Variants in PDE8B observed in about 807,000 individuals in gnomAD.
PDE8B encodes phosphodiesterase 8B, also known as high affinity cAMP-specific and IBMX-insensitive 3',5'-cyclic phosphodiesterase 8B.
Under a neutral mutation model 101.3 loss-of-function variants are expected in PDE8B, and 26 were observed. The ratio of observed to expected loss-of-function variants is 0.26; its 90% CI spans 0.19 to 0.36. The LOEUF (loss-of-function observed/expected upper bound fraction) is 0.36, where lower values mean the gene tolerates loss of function less well. PDE8B is among the 10% of genes least tolerant of loss of function. PDE8B has a pLI of 1.00. For missense variants in PDE8B, 810 were observed against 1,163.1 expected, an observed-to-expected ratio of 0.70 and a Z score of 4.42; for synonymous variants, 424 against 429.3, an observed-to-expected ratio of 0.99 and a Z score of 0.15.
At chr5:77,173,644 C>T in the PDE8B span, among the ~76,000 whole-genome samples, 2 of 151,734 alleles carry the variant, frequency 1.3e-5, no homozygotes, top group African/African-American at 4.8e-5. Flanking sequence ...TAATGTGAAG[C>T]CTACTAGAGT....
chr5:77,156,357 C>T, the PDE8B span, among the ~76,000 whole-genome samples: 2 of 152,144 alleles, frequency 1.3e-5, no homozygotes, highest in African/African-American at 2.4e-5. Flanking sequence ...GAATGAACCC[C>T]AAGCTCCTTC....
At chr5:77,416,224 A>C (rs2151136419) in intron 17 of PDE8B, among the ~76,000 whole-genome samples, 1 of 152,328 alleles carries the variant, frequency 6.6e-6, no homozygotes, top group South Asian at 2.1e-4. Context: ...AAGGAAAGGC[A>C]TGTTTCATCT....
intron 1 of PDE8B, among the ~76,000 whole-genome samples, chr5:77,218,340 C>G (rs1230455511): frequency 3.3e-5 from 5 of 152,202 alleles, no homozygotes; most frequent in Admixed American, 6.5e-5. Flanking sequence ...CTATGAGCTA[C>G]ACGTTATTAT....
chr5:77,180,415 C>A, the PDE8B span: 1 of 984,580 alleles, frequency 1.0e-6, no homozygotes, highest in Non-Finnish European at 1.2e-6. Context: ...CAGGCACGGG[C>A]ACCACCAGGG....
At chr5:77,118,096 G>A in the PDE8B span, among the ~76,000 whole-genome samples, 4 of 151,830 alleles carry the variant, frequency 2.6e-5, no homozygotes, top group Non-Finnish European at 5.9e-5. Flanking sequence ...TACCACACCC[G>A]GCTAATTTTT....
chr5:77,383,329 G>T (rs1444738792), intron 10 of PDE8B, among the ~76,000 whole-genome samples: 2 of 152,112 alleles, frequency 1.3e-5, no homozygotes, highest in African/African-American at 2.4e-5. Context: ...GTAGATTCTG[G>T]ATATTAGCCC....
intron 1 of PDE8B, among the ~76,000 whole-genome samples, chr5:77,216,864 G>A (rs1188119243): frequency 2.0e-5 from 3 of 152,180 alleles, no homozygotes; most frequent in African/African-American, 7.2e-5. Context: ...TGGAGAGTGG[G>A]TCTGGAGGGG....
rs1241891681 is a variant in PDE8B, at chr5:77,294,659, G to A, written c.340-17335G>A. Among the ~76,000 whole-genome samples the A allele has an allele frequency of 8.8e-4, 131 of 149,060 alleles. 1 individual carries two copies. Among genetic ancestry groups the A allele is most frequent in the Admixed American group, 6.0e-4 (9 of 15,018 alleles). On this transcript the variant is annotated intron_variant, in intron 1 of 21. Coordinates refer to ENST00000264917, the MANE Select transcript of PDE8B (RefSeq NM_003719.5). ...ACTCAGAAAAGAAATAGAAATAAAA[G>A]CAAAAAAAAATCTAGGAAAGGAAGG...
the PDE8B span, among the ~76,000 whole-genome samples, chr5:77,171,418 C>T: frequency 1.3e-5 from 2 of 152,210 alleles, no homozygotes; most frequent in Non-Finnish European, 2.9e-5. Flanking sequence ...GTTCCTTGTA[C>T]ATTTGTTTCA....
chr5:77,321,142 ATTTTTTT>A (rs10538529), intron 2 of PDE8B, among the ~76,000 whole-genome samples: 81 of 76,436 alleles, frequency 1.1e-3, no homozygotes, highest in African/African-American at 3.5e-3. Flanking sequence ...CAGTATCTCT[ATTTTTTT>A]TTTTTTTTTT....
At position 77,346,246 on chromosome 5, in the gene PDE8B, C is replaced by T. The variant is rs116621963; in HGVS notation, c.876+1315C>T. Among the ~76,000 whole-genome samples the T allele has an allele frequency of 5.2e-3, 798 of 152,314 alleles. 7 individuals carry two copies. Among genetic ancestry groups the T allele is most frequent in the African/African-American group, 0.019 (778 of 41,558 alleles). ...CATGATGCTGGCTCTTAGTGGCCCA[C>T]CTGCCCACAGGTCTGCCTCTTGGAC... On this transcript the variant is annotated intron_variant, in intron 7 of 21. Transcript: ENST00000264917.
the PDE8B span, chr5:77,145,676 C>T: frequency 6.6e-6 from 1 of 152,094 alleles, no homozygotes; most frequent in Non-Finnish European, 1.5e-5. Context: ...TTGGATGTGG[C>T]CTTTATGTAA....
At chr5:77,190,693 T>C in the PDE8B span, among the ~76,000 whole-genome samples, 1 of 152,150 alleles carries the variant, frequency 6.6e-6, no homozygotes, top group Non-Finnish European at 1.5e-5. Context: ...GACCTAAAAG[T>C]TGTGTTCTCC....
chr5:77,179,850 C>T, the PDE8B span, among the ~76,000 whole-genome samples: 2 of 152,104 alleles, frequency 1.3e-5, no homozygotes, highest in East Asian at 1.9e-4. Flanking sequence ...CCTGAGCCAC[C>T]GCGCCCAGGA....
At chr5:77,220,661 A>G (rs1367208779) in intron 1 of PDE8B, among the ~76,000 whole-genome samples, 1 of 152,226 alleles carries the variant, frequency 6.6e-6, no homozygotes, top group Non-Finnish European at 1.5e-5. Flanking sequence ...GCTGGAATAT[A>G]TTTACACTGT....
At chr5:77,362,015 G>A (rs921793528) in intron 10 of PDE8B, among the ~76,000 whole-genome samples, 4 of 152,134 alleles carry the variant, frequency 2.6e-5, no homozygotes, top group Non-Finnish European at 5.9e-5. Context: ...GAAATTGTGT[G>A]TTATACATTC....
intron 15 of PDE8B, 108 bp downstream of exon 15, chr5:77,411,829 G>C (rs1014164552): frequency 1.1e-6 from 1 of 892,692 alleles, no homozygotes; most frequent in African/African-American, 1.6e-5. Context: ...AGTCCCATTT[G>C]AGTTTAAGCA....
upstream of PDE8B, among the ~76,000 whole-genome samples, chr5:77,209,087 A>G (rs1003896389): frequency 1.3e-5 from 2 of 152,206 alleles, no homozygotes; most frequent in African/African-American, 4.8e-5. Context: ...AGGAGGACCC[A>G]ACCTGTGCAG....
rs1411945859 is a variant in PDE8B, at chr5:77,353,332, T to C, written c.1107-14T>C. 2.1e-6 allele frequency: 3 copies of C among 1,446,320 alleles called. No individual in the cohort carries two copies. Among genetic ancestry groups the C allele is most frequent in the Non-Finnish European group, 2.9e-6 (3 of 1,026,844 alleles). 89.6% of individuals were successfully genotyped at this position (1,446,320 alleles called of 1,614,324 possible). The stretch of plus-strand genomic sequence containing the variant: ...TCATATCTGACTCACTAATAACTGA[T>C]TATTTGTTATTAGGAAAATTAGGCA... On this transcript the variant is annotated splice_polypyrimidine_tract_variant and intron_variant, in intron 9 of 21. Transcript: ENST00000264917.
Sources: gnomAD v4.1 joint callset for allele counts (sites outside exome capture counted in the v4.1 genomes callset) on GRCh38, gnomAD v4.1.1 for gene constraint, MANE v1.5 for transcripts, NCBI Gene and HGNC (gene_info 2026-07-23, HGNC 2026-07-21) for gene names.